The following CSGALNACT1 variants were observed in gnomAD, a reference collection of about 807,000 sequenced individuals.
CSGALNACT1 encodes the protein chondroitin sulfate N-acetylgalactosaminyltransferase 1, also known as beta4GalNAcT-1.
CSGALNACT1 carries 52 observed loss-of-function variants against 51.0 expected under a neutral mutation model. The observed-to-expected ratio is 1.02, with a 90% confidence interval of 0.82 to 1.29. The LOEUF (loss-of-function observed/expected upper bound fraction) is 1.29, where lower values mean the gene tolerates loss of function less well. Ranked by LOEUF, CSGALNACT1 falls within the 50% of genes most tolerant of loss-of-function variation. The pLI, the probability that CSGALNACT1 is intolerant of heterozygous loss-of-function variation, is 0.00. For synonymous variants in CSGALNACT1, 341 were observed against 254.4 expected, an observed-to-expected ratio of 1.34 and a Z score of -3.24; for missense variants, 935 against 679.2, an observed-to-expected ratio of 1.38 and a Z score of -4.19.
At chr8:19,583,211 G>A (rs1385352112) in intron 3 of CSGALNACT1, among the ~76,000 whole-genome samples, 1 of 151,756 alleles carries the variant, frequency 6.6e-6, no homozygotes, top group Non-Finnish European at 1.5e-5. Context: ...AAATCATGTA[G>A]AAGACAAAAA....
At chr8:19,662,700 A>G (rs1378346280) in intron 1 of CSGALNACT1, among the ~76,000 whole-genome samples, 1 of 152,164 alleles carries the variant, frequency 6.6e-6, no homozygotes, top group African/African-American at 2.4e-5. Flanking sequence ...AACAAATCTG[A>G]AAGACATATT....
At chr8:19,461,519 G>C (rs74523900) in intron 4 of CSGALNACT1, among the ~76,000 whole-genome samples, 40,687 of 120,356 alleles carry the variant, frequency 0.34, 4,336 homozygotes, top group East Asian at 0.64. Context: ...ACCATGGGGG[G>C]CGTATCCGCA....
intron 3 of CSGALNACT1, among the ~76,000 whole-genome samples, chr8:19,541,083 TG>T (rs1166472213): frequency 2.0e-5 from 3 of 148,144 alleles, no homozygotes; most frequent in African/African-American, 7.4e-5. Flanking sequence ...TTTCTCTGGG[TG>T]ATAATTTTTT....
At chr8:19,420,435 A>T in exon 7 of CSGALNACT1, 2 of 1,614,216 alleles carry the variant, frequency 1.2e-6, no homozygotes, top group Non-Finnish European at 1.7e-6. Flanking sequence ...TCCCTTCCAG[A>T]AGCGGGCTCC....
At chr8:19,720,682 C>A (rs1255355891) in intron 1 of CSGALNACT1, among the ~76,000 whole-genome samples, 1 of 152,180 alleles carries the variant, frequency 6.6e-6, no homozygotes, top group Non-Finnish European at 1.5e-5. Context: ...CCCTCCCTCC[C>A]CTCTACCTCC....
chr8:19,431,926 G>C (rs1013989364), intron 6 of CSGALNACT1, among the ~76,000 whole-genome samples: 3 of 149,756 alleles, frequency 2.0e-5, no homozygotes, highest in Non-Finnish European at 3.0e-5. Flanking sequence ...TTACATCTTT[G>C]TGCACTGTGT....
chr8:19,622,708 C>T (rs1305380785), intron 1 of CSGALNACT1, among the ~76,000 whole-genome samples: 1 of 151,578 alleles, frequency 6.6e-6, no homozygotes, highest in Non-Finnish European at 1.5e-5. Flanking sequence ...TCTAATGTAA[C>T]CACTACAAGA....
At chr8:19,503,177 C>T (rs1023385180) in intron 4 of CSGALNACT1, among the ~76,000 whole-genome samples, 2 of 152,280 alleles carry the variant, frequency 1.3e-5, no homozygotes, top group South Asian at 2.1e-4. Context: ...AAAGTATTTG[C>T]CTTTATTTAC....
At chr8:19,457,489 T>C (rs1175505842) in intron 5 of CSGALNACT1, 1 of 397,876 alleles carries the variant, frequency 2.5e-6, no homozygotes, top group African/African-American at 2.1e-5. Flanking sequence ...AATGGGCATC[T>C]GTAATCCCAG....
intron 8 of CSGALNACT1, among the ~76,000 whole-genome samples, chr8:19,412,435 G>A (rs1390304873): frequency 6.6e-6 from 1 of 152,222 alleles, no homozygotes; most frequent in Non-Finnish European, 1.5e-5. Context: ...CTGGGGCCGT[G>A]GTCAGTGCCT....
At chr8:19,657,840 AAATAAGT>A (rs2058418375) in intron 1 of CSGALNACT1, among the ~76,000 whole-genome samples, 1 of 152,092 alleles carries the variant, frequency 6.6e-6, no homozygotes, top group African/African-American at 2.4e-5. Flanking sequence ...TCCACTGGGA[AAATAAGT>A]GGAGGGTCCA....
At chr8:19,714,535 C>T (rs929102534) in intron 1 of CSGALNACT1, among the ~76,000 whole-genome samples, 4 of 151,984 alleles carry the variant, frequency 2.6e-5, no homozygotes, top group African/African-American at 4.8e-5. Flanking sequence ...AGCTCTGAGG[C>T]GTTTGGTTTT....
intron 1 of CSGALNACT1, chr8:19,688,809 C>A (rs2061124800): frequency 6.6e-6 from 1 of 152,522 alleles, no homozygotes; most frequent in Non-Finnish European, 1.5e-5. Context: ...AGTCTGACTT[C>A]CATCCCTACC....
At chr8:19,476,039 C>T (rs989157705) in intron 4 of CSGALNACT1, among the ~76,000 whole-genome samples, 8 of 152,088 alleles carry the variant, frequency 5.3e-5, no homozygotes, top group African/African-American at 9.7e-5. Flanking sequence ...TGACAGCCAC[C>T]GCCCCTACAA....
At chr8:19,607,401 G>C (rs1240612632), upstream of CSGALNACT1, among the ~76,000 whole-genome samples, 2 of 152,190 alleles carry the variant, frequency 1.3e-5, no homozygotes, top group Non-Finnish European at 2.9e-5. Context: ...GCTTCTGTTT[G>C]TCATTGGCTG....
At chr8:19,572,482 T>C (rs776122400) in intron 3 of CSGALNACT1, among the ~76,000 whole-genome samples, 1 of 152,156 alleles carries the variant, frequency 6.6e-6, no homozygotes, top group Non-Finnish European at 1.5e-5. Context: ...TAAACTAGCC[T>C]TACCTATGGC....
At position 19,702,060 on chromosome 8, in the gene CSGALNACT1, C is replaced by T. The variant is rs149244537; in HGVS notation, c.-297+55790G>A. On this transcript the variant is annotated intron_variant, in intron 1 of 1. Transcript: ENST00000517494. ...ATTTGATTGGCTTCATAAGTGCCTA[C>T]CTGTTACATTAAATACTGCTTGAAC... Among the ~76,000 whole-genome samples the T allele has an allele frequency of 3.8e-3, 576 of 152,296 alleles. 4 individuals are homozygous for T. Among genetic ancestry groups the T allele is most frequent in the African/African-American group, 0.014 (563 of 41,568 alleles).
chr8:19,462,707 G>C (rs80130495), intron 4 of CSGALNACT1, among the ~76,000 whole-genome samples: 17,886 of 152,088 alleles, frequency 0.12, 1,248 homozygotes, highest in Middle Eastern at 0.2. Flanking sequence ...ACCATGCCTT[G>C]CAACAGTCAT....
At chr8:19,493,051 T>G (rs1441729993) in intron 4 of CSGALNACT1, among the ~76,000 whole-genome samples, 1 of 77,332 alleles carries the variant, frequency 1.3e-5, no homozygotes, top group African/African-American at 3.9e-5. Flanking sequence ...CTAAAATTCT[T>G]TTTTTGAAAA....
Sources: allele counts gnomAD v4.1 joint callset (sites outside exome capture counted in the v4.1 genomes callset), GRCh38; gene constraint gnomAD v4.1.1; transcripts MANE v1.5; gene names NCBI Gene and HGNC (gene_info 2026-07-23, HGNC 2026-07-21).